Variants in LAMA1 observed in about 807,000 individuals in gnomAD.
The protein encoded by LAMA1 is laminin subunit alpha 1.
A neutral mutation model predicts 348.7 loss-of-function variants in LAMA1; 219 were observed. The ratio of observed to expected loss-of-function variants is 0.63; its 90% CI spans 0.56 to 0.70. The LOEUF (loss-of-function observed/expected upper bound fraction) is 0.70. Among genes scored for constraint, LAMA1 ranks in the 30% least tolerant of loss-of-function variants. The pLI is 0.00. For synonymous variants in LAMA1, 1,487 were observed against 1,491.0 expected (o/e 1.00, Z 0.06); for missense variants, 3,744 against 3,888.0 (o/e 0.96, Z 0.99).
intron 36 of LAMA1, among the ~76,000 whole-genome samples, chr18:6,990,476 C>G (rs1228399728): frequency 6.6e-6 from 1 of 152,144 alleles, no homozygotes; most frequent in Non-Finnish European, 1.5e-5. Context: ...CAGAGCCCCA[C>G]CCAGGGGCAT....
Position 7,043,275 on chromosome 18 carries a change from C to T in LAMA1, c.1107G>A (p.Met369Ile). Reference sequence around the variant, plus strand: ...CAATACAGGTTTCACAGTTGATTCCCATGGTGTTCTGCAAGCAATTTATGC... The same window carrying T: ...CAATACAGGTTTCACAGTTGATTCCTATGGTGTTCTGCAAGCAATTTATGC... ...GVCINCLQNTMGINCETCIDG... is the reference protein window; with the variant it reads ...GVCINCLQNTIGINCETCIDG... The change falls in exon 8 of 63, where the codon ATG becomes ATA. Residue 369 changes from methionine (M) to isoleucine (I), a missense_variant. Physicochemically the swap from Met to Ile is conservative, Grantham distance 10 (BLOSUM62 1). Transcript: ENST00000389658. The T allele has an allele frequency of 6.2e-7, 1 of 1,614,128 alleles. No homozygotes were observed.
At chr18:7,021,911 T>C (rs2057919660) in intron 19 of LAMA1, among the ~76,000 whole-genome samples, 1 of 147,940 alleles carries the variant, frequency 6.8e-6, no homozygotes, top group Admixed American at 6.8e-5. Context: ...GTAATTATAA[T>C]AGCTGCCATT....
intron 61 of LAMA1, among the ~76,000 whole-genome samples, chr18:6,945,570 G>A (rs1322157058): frequency 1.3e-5 from 2 of 152,180 alleles, no homozygotes; most frequent in East Asian, 3.9e-4. Context: ...ATTGACCACA[G>A]TGCTGCAGAA....
intron 9 of LAMA1, among the ~76,000 whole-genome samples, chr18:7,040,784 G>A (rs1158232265): frequency 6.6e-6 from 1 of 152,152 alleles, no homozygotes; most frequent in Non-Finnish European, 1.5e-5. Flanking sequence ...AACATGGTAT[G>A]TCCATACTAT....
intron 9 of LAMA1, among the ~76,000 whole-genome samples, 194 bp from the exon 10 acceptor site, chr18:7,040,430 T>C (rs978455882): frequency 2.6e-5 from 4 of 152,236 alleles, no homozygotes; most frequent in Non-Finnish European, 4.4e-5. Flanking sequence ...CAAATGGCTA[T>C]ATCTCCATTC....
chr18:6,963,222 T>C (rs1469686615), intron 51 of LAMA1, among the ~76,000 whole-genome samples: 1 of 152,166 alleles, frequency 6.6e-6, no homozygotes, highest in Non-Finnish European at 1.5e-5. Context: ...ACATCTGTGA[T>C]ATGGGCTTCT....
chr18:7,056,272 C>T (rs966915051), intron 3 of LAMA1, among the ~76,000 whole-genome samples: 4 of 152,052 alleles, frequency 2.6e-5, no homozygotes, highest in African/African-American at 4.8e-5. Context: ...AAAGCAGAGG[C>T]GCCACATGAG....
intron 52 of LAMA1, 42 bp downstream of exon 52, chr18:6,961,903 C>A (rs754586575): frequency 6.3e-7 from 1 of 1,577,302 alleles, no homozygotes; most frequent in Non-Finnish European, 8.7e-7. Context: ...TCAATGGACA[C>A]TTATGGAAAC....
intron 48 of LAMA1, among the ~76,000 whole-genome samples, chr18:6,971,044 A>G (rs2057656056): frequency 6.6e-6 from 1 of 152,258 alleles, no homozygotes; most frequent in Non-Finnish European, 1.5e-5. Context: ...TGATCTTGTC[A>G]CTGGATAATT....
At chr18:6,969,448 C>T (rs2057648497) in intron 48 of LAMA1, among the ~76,000 whole-genome samples, 2 of 152,200 alleles carry the variant, frequency 1.3e-5, no homozygotes, top group Non-Finnish European at 2.9e-5. Context: ...TAATTAAAGG[C>T]TCCGATGGCC....
intron 51 of LAMA1, 49 bp from the exon 52 acceptor site, chr18:6,962,108 C>T: frequency 7.4e-7 from 1 of 1,347,448 alleles, no homozygotes; most frequent in East Asian, 2.3e-5. Context: ...TTTTTAAATT[C>T]CATTTTTGAA....
At chr18:7,086,763 T>G (rs1241092082) in intron 1 of LAMA1, among the ~76,000 whole-genome samples, 1 of 152,174 alleles carries the variant, frequency 6.6e-6, no homozygotes, top group African/African-American at 2.4e-5. Context: ...GCACCTAAAA[T>G]CTAGACTCAG....
Position 6,983,143 on chromosome 18 carries a change from C to G in LAMA1, c.5752G>C (p.Glu1918Gln), listed in dbSNP as rs781393370. The change falls in exon 40 of 63, where the codon GAA (glutamate) becomes CAA (glutamine). Residue 1918 changes from glutamate to glutamine, a missense_variant. This residue lies in a region of LAMA1 where 1,983 missense variants were observed against 1,934.3 expected (regional missense o/e 1.03). Transcript: ENST00000389658. ...GTCCTGTGAGCATCTCTGGCCAGTT[C>G]CTCCGATTCTTCAATCAGGCTCTGG... ...NIQSLIEESE[E>Q]LARDAHRTVT... is the part of the protein sequence containing the mutation. 3.7e-6 allele frequency: 6 copies of G among 1,614,126 alleles called. No homozygotes were observed. The highest frequency in any genetic ancestry group is 1.7e-5 in the Admixed American group (1 of 60,022).
chr18:7,040,614 A>G (rs2058016261), intron 9 of LAMA1, among the ~76,000 whole-genome samples: 1 of 152,224 alleles, frequency 6.6e-6, no homozygotes, highest in Non-Finnish European at 1.5e-5. Context: ...CAAAATGTTA[A>G]GTTATAGAGT....
chr18:7,000,081 A>G, intron 30 of LAMA1, 84 bp from the exon 31 acceptor site: 1 of 964,134 alleles, frequency 1.0e-6, no homozygotes, highest in Non-Finnish European at 1.6e-6. Flanking sequence ...CTCTTAGGAT[A>G]CACCATACTG....
chr18:7,080,557 T>C, intron 1 of LAMA1, 100 bp from the exon 2 acceptor site: 1 of 1,232,608 alleles, frequency 8.1e-7, no homozygotes, highest in African/African-American at 1.5e-5. Context: ...AGATTGAAAG[T>C]CTATGTGCTG....
chr18:6,991,413 C>T (rs586826), intron 36 of LAMA1, among the ~76,000 whole-genome samples: 66,979 of 136,318 alleles, frequency 0.49, 16,629 homozygotes, highest in East Asian at 0.7. Context: ...TTTTTTGAGA[C>T]GGAGTCTTGC....
intron 48 of LAMA1, among the ~76,000 whole-genome samples, chr18:6,970,274 T>G (rs1002061439): frequency 6.6e-6 from 1 of 151,644 alleles, no homozygotes; most frequent in Non-Finnish European, 1.5e-5. Flanking sequence ...TTTTCACACG[T>G]TTATTGTCAA....
rs750225389 is a variant in LAMA1, at chr18:6,986,182, G to A, written c.5334C>T (p.Ser1778=). The A allele has an allele frequency of 1.2e-6, 2 of 1,614,212 alleles. No individual in the cohort carries two copies. Among genetic ancestry groups the A allele is most frequent in the Non-Finnish European group, 1.7e-6 (2 of 1,180,042 alleles). The change falls in exon 37 of 63, where the codon AGC becomes AGT. Residue 1778 remains serine, a synonymous_variant. Coordinates refer to ENST00000389658, the MANE Select transcript of LAMA1 (RefSeq NM_005559.4). The part of the protein sequence containing the change: ...VREAEAKMQE[S]NHLLLMVNAN... ...CATTGACCATGAGCAGCAGGTGGTT[G>A]CTTTCCTGCATCTTTGCCTCAGCTT...
Sources: gnomAD v4.1 joint callset for allele counts (sites outside exome capture counted in the v4.1 genomes callset) on GRCh38, gnomAD v4.1.1 for gene constraint, gnomAD v4.1.1 regional missense constraint, MANE v1.5 for transcripts, NCBI Gene and HGNC (gene_info 2026-07-23, HGNC 2026-07-21) for gene names.